Variants in SRGAP2C observed in about 807,000 individuals in gnomAD.
SRGAP2C encodes SLIT-ROBO Rho GTPase-activating protein 2C.
In SRGAP2C, 15 loss-of-function variants were observed where a neutral mutation model predicts 25.1. The ratio of observed to expected loss-of-function variants is 0.60; its 90% confidence interval spans 0.40 to 0.92. The LOEUF is 0.92. Among genes scored for constraint, SRGAP2C ranks in the 40% least tolerant of loss-of-function variants. The pLI, the probability that SRGAP2C is intolerant of heterozygous loss-of-function variation, is 0.00. For synonymous variants in SRGAP2C, 44 were observed against 96.6 expected (o/e 0.46, Z 3.19); for missense variants, 144 against 264.4 (o/e 0.54, Z 3.16).
chr1:121,348,754 C>T (rs1489377717), intron 4 of SRGAP2C, among the ~76,000 whole-genome samples: 2 of 144,376 alleles, frequency 1.4e-5, no homozygotes, highest in South Asian at 2.3e-4. Flanking sequence ...TCCAACTTCA[C>T]CAATTAATAG....
At chr1:121,289,196 T>C (rs1197943772) in intron 3 of SRGAP2C, among the ~76,000 whole-genome samples, 1 of 149,526 alleles carries the variant, frequency 6.7e-6, no homozygotes, top group African/African-American at 2.5e-5. Context: ...CAGGAGCCCA[T>C]GGAGTGGGTG....
chr1:121,371,249 G>T (rs1659482050), intron 5 of SRGAP2C, among the ~76,000 whole-genome samples: 1 of 139,646 alleles, frequency 7.2e-6, no homozygotes, highest in Non-Finnish European at 1.5e-5. Context: ...ATATGTATAT[G>T]TACATAGATA....
chr1:121,289,161 G>A (rs1294828172), intron 3 of SRGAP2C, among the ~76,000 whole-genome samples: 3 of 148,752 alleles, frequency 2.0e-5, no homozygotes, highest in Non-Finnish European at 3.0e-5. Flanking sequence ...AGGGGGTGGT[G>A]CTCGTCGGGG....
chr1:121,350,718 C>G (rs2101633280), intron 4 of SRGAP2C, among the ~76,000 whole-genome samples: 1 of 152,116 alleles, frequency 6.6e-6, no homozygotes, highest in Non-Finnish European at 1.5e-5. Flanking sequence ...CACCAAAGCA[C>G]AAGCAACAAA....
chr1:121,188,703 TG>T (rs1364012608), intron 2 of SRGAP2C, among the ~76,000 whole-genome samples: 1 of 125,992 alleles, frequency 7.9e-6, no homozygotes, highest in African/African-American at 3.1e-5. Flanking sequence ...TAATGATTGC[TG>T]GGGGGTGGGG....
At chr1:121,211,078 G>C (rs1435362154) in intron 2 of SRGAP2C, among the ~76,000 whole-genome samples, 3 of 146,520 alleles carry the variant, frequency 2.0e-5, no homozygotes, top group Non-Finnish European at 4.5e-5. Flanking sequence ...AAGAAGGAAG[G>C]GGCTGCAGGA....
intron 2 of SRGAP2C, among the ~76,000 whole-genome samples, chr1:121,281,275 C>A (rs1230527103): frequency 2.0e-5 from 3 of 151,550 alleles, no homozygotes; most frequent in African/African-American, 7.3e-5. Flanking sequence ...TGTATGGATG[C>A]TTTGAAGATG....
intron 3 of SRGAP2C, among the ~76,000 whole-genome samples, chr1:121,311,020 G>A (rs1340062340): frequency 5.2e-5 from 1 of 19,182 alleles, no homozygotes; most frequent in South Asian, 1.6e-3. Context: ...GGGCAGTATG[G>A]CCATTTTCAC....
chr1:121,308,363 A>G (rs1197982758), intron 3 of SRGAP2C, among the ~76,000 whole-genome samples: 1 of 149,632 alleles, frequency 6.7e-6, no homozygotes, highest in African/African-American at 2.5e-5. Flanking sequence ...ATTTTTGTAC[A>G]CTCTGGCCTT....
chr1:121,263,169 C>T (rs1465406069), intron 2 of SRGAP2C, among the ~76,000 whole-genome samples: 5 of 150,810 alleles, frequency 3.3e-5, no homozygotes, highest in Non-Finnish European at 7.4e-5. Flanking sequence ...GCCTGGCCAA[C>T]ATAGCGAAAT....
At chr1:121,319,605 C>A (rs1658157949) in intron 3 of SRGAP2C, among the ~76,000 whole-genome samples, 1 of 151,716 alleles carries the variant, frequency 6.6e-6, no homozygotes, top group African/African-American at 2.4e-5. Context: ...AAAAGCTGGG[C>A]TAATGTCTTC....
At chr1:121,254,027 C>T (rs1391097677) in intron 2 of SRGAP2C, among the ~76,000 whole-genome samples, 3 of 151,574 alleles carry the variant, frequency 2.0e-5, no homozygotes. Flanking sequence ...ATTCTCCTGC[C>T]TCAGCTTCCT....
At chr1:121,211,426 C>CAG in intron 2 of SRGAP2C, among the ~76,000 whole-genome samples, 1 of 118,190 alleles carries the variant, frequency 8.5e-6, no homozygotes, top group Non-Finnish European at 1.7e-5. Context: ...TACACACACA[C>CAG]ACACACACAC....
chr1:121,372,240 G>C (rs114130347), intron 5 of SRGAP2C, among the ~76,000 whole-genome samples: 1 of 152,138 alleles, frequency 6.6e-6, no homozygotes, highest in Non-Finnish European at 1.5e-5. Context: ...CTAGCTGATC[G>C]TAGGGCCTAG....
At chr1:121,221,710 CAA>C (rs782207301) in intron 2 of SRGAP2C, among the ~76,000 whole-genome samples, 1 of 21,622 alleles carries the variant, frequency 4.6e-5, no homozygotes, top group African/African-American at 2.7e-4. Context: ...GACAACGTCT[CAA>C]AAAAAAAAAA....
At chr1:121,306,347 A>C (rs1285290725) in intron 3 of SRGAP2C, among the ~76,000 whole-genome samples, 1 of 134,880 alleles carries the variant, frequency 7.4e-6, no homozygotes, top group Admixed American at 7.7e-5. Context: ...GCTTTCTCCC[A>C]GTGTTCTGTA....
chr1:121,235,219 C>T (rs1270612168), intron 2 of SRGAP2C, among the ~76,000 whole-genome samples: 12 of 119,288 alleles, frequency 1.0e-4, no homozygotes, highest in Admixed American at 3.5e-4. Flanking sequence ...TTAGCAGAGA[C>T]GGGGTTTCAC....
intron 2 of SRGAP2C, among the ~76,000 whole-genome samples, chr1:121,264,923 A>G (rs587708036): frequency 8.3e-6 from 1 of 120,594 alleles, no homozygotes; most frequent in Non-Finnish European, 1.7e-5. Flanking sequence ...TGGGCAGGGC[A>G]TGGTGGCTCA....
At position 121,390,671 on chromosome 1, in the gene SRGAP2C, G is replaced by A. The variant is rs1367997862; in HGVS notation, c.*2816G>A. On this transcript the variant is annotated 3_prime_UTR_variant, in exon 10 of 10. Coordinates refer to ENST00000367123, the MANE Select transcript of SRGAP2C (RefSeq NM_001329984.2). Reference sequence around the variant, plus strand: ...GATCAGTTGCTTGCAAGAGTCTCAGGAAAATAATTGTGGAGTTAAGAAACT... The same window carrying A: ...GATCAGTTGCTTGCAAGAGTCTCAGAAAAATAATTGTGGAGTTAAGAAACT... The A allele has an allele frequency of 1.1e-5, 1 of 89,262 alleles. No homozygotes were observed. Among genetic ancestry groups the A allele is most frequent in the African/African-American group, 4.6e-5 (1 of 21,654 alleles). The allele number at this position is 89,262 out of a possible 1,614,324, so 5.5% of individuals were successfully genotyped here.
Sources: allele counts gnomAD v4.1 joint callset (sites outside exome capture counted in the v4.1 genomes callset), GRCh38; gene constraint gnomAD v4.1.1; transcripts MANE v1.5; gene names NCBI Gene and HGNC (gene_info 2026-07-23, HGNC 2026-07-21).